Variants in LRP1B observed in about 807,000 individuals in gnomAD.
LRP1B encodes LDL receptor related protein 1B, also known as low-density lipoprotein receptor-related protein 1B.
Under a neutral mutation model 556.6 loss-of-function variants are expected in LRP1B, and 217 were observed. The observed-to-expected ratio is 0.39, with a 90% CI of 0.35 to 0.44. The LOEUF (loss-of-function observed/expected upper bound fraction) is 0.44, where lower values mean the gene tolerates loss of function less well. LRP1B is among the 20% of genes least tolerant of loss of function. The pLI is 1.00. For missense variants in LRP1B, 5,053 were observed against 5,620.8 expected, an observed-to-expected ratio of 0.90 and a Z score of 3.23; for synonymous variants, 2,047 against 1,865.8, an observed-to-expected ratio of 1.10 and a Z score of -2.50.
At position 141,721,420 on chromosome 2, in the gene LRP1B, A is replaced by G. The variant is rs1378315122; in HGVS notation, c.205+88859T>C. ...CGTACTATCGACCTCTTACCTGTCAAGCAGATTGTAAAAAGCCCCTGGAAG... is the reference window on the plus strand; with the variant it reads ...CGTACTATCGACCTCTTACCTGTCAGGCAGATTGTAAAAAGCCCCTGGAAG... On this transcript the variant is annotated intron_variant, in intron 2 of 90. Transcript: ENST00000389484. Among the ~76,000 whole-genome samples, 4 of 152,170 alleles carry G rather than the reference A, an allele frequency of 2.6e-5. No homozygotes were observed. The East Asian group carries it at 7.7e-4, about 29-fold the overall frequency.
chr2:140,319,607 A>G (rs761084866), intron 82 of LRP1B, among the ~76,000 whole-genome samples: 6 of 152,136 alleles, frequency 3.9e-5, no homozygotes, highest in Non-Finnish European at 5.9e-5. Flanking sequence ...AACAACACAC[A>G]CTGCGGCCTT....
intron 49 of LRP1B, among the ~76,000 whole-genome samples, chr2:140,521,922 A>C (rs1372807491): frequency 6.6e-6 from 1 of 152,060 alleles, no homozygotes; most frequent in African/African-American, 2.4e-5. Context: ...AAAAAAATAA[A>C]GAAGAGCACC....
At chr2:141,541,907 C>T (rs1180070462) in intron 2 of LRP1B, among the ~76,000 whole-genome samples, 3 of 151,920 alleles carry the variant, frequency 2.0e-5, no homozygotes, top group African/African-American at 7.2e-5. Context: ...ATATATATTA[C>T]ATAATATCTG....
chr2:140,976,486 C>G (rs536685049), intron 18 of LRP1B, among the ~76,000 whole-genome samples: 2 of 140,304 alleles, frequency 1.4e-5, no homozygotes, highest in Non-Finnish European at 3.1e-5. Context: ...CTCCATTGAA[C>G]TATCTTTTTT....
intron 2 of LRP1B, among the ~76,000 whole-genome samples, chr2:141,786,875 C>T (rs904857215): frequency 2.6e-5 from 4 of 151,864 alleles, no homozygotes; most frequent in Non-Finnish European, 5.9e-5. Flanking sequence ...TGCCAAATGC[C>T]TTCGCTGCAT....
intron 35 of LRP1B, among the ~76,000 whole-genome samples, chr2:140,719,183 G>A (rs1397334154): frequency 2.0e-5 from 3 of 152,062 alleles, no homozygotes; most frequent in Admixed American, 1.3e-4. Flanking sequence ...TAAGCATTTA[G>A]TGAGTAATGA....
At chr2:142,055,222 T>C (rs937095374) in intron 1 of LRP1B, among the ~76,000 whole-genome samples, 1 of 151,834 alleles carries the variant, frequency 6.6e-6, no homozygotes, top group Non-Finnish European at 1.5e-5. Flanking sequence ...AAAAAAGGAA[T>C]AGAGTGTGGA....
rs143016140 is a variant in LRP1B at position 140,368,255 on chromosome 2, G to T, written c.11008+2455C>A. Among the ~76,000 whole-genome samples the T allele has an allele frequency of 4.3e-3, 651 of 151,844 alleles. 9 individuals are homozygous for T. The East Asian group carries it at 0.043, about 10-fold the overall frequency. ...CTCAACAGAAAATATTAGGAAAATA[G>T]AAAAGTATATATGAATTAACAATAA... On this transcript the variant is annotated intron_variant, in intron 71 of 90. Coordinates refer to ENST00000389484, the MANE Select transcript of LRP1B (RefSeq NM_018557.3).
chr2:141,988,185 G>C (rs1157092891), intron 1 of LRP1B, among the ~76,000 whole-genome samples: 1 of 151,796 alleles, frequency 6.6e-6, no homozygotes, highest in Non-Finnish European at 1.5e-5. Flanking sequence ...AAACCCTGCT[G>C]TTACAAATGA....
At chr2:140,478,784 G>A (rs1323113668) in intron 59 of LRP1B, among the ~76,000 whole-genome samples, 1 of 151,864 alleles carries the variant, frequency 6.6e-6, no homozygotes, top group African/African-American at 2.4e-5. Context: ...CTTCTCACAG[G>A]GTCACTGTGA....
At chr2:140,252,247 T>A (rs1681470759) in intron 86 of LRP1B, among the ~76,000 whole-genome samples, 1 of 151,782 alleles carries the variant, frequency 6.6e-6, no homozygotes, top group African/African-American at 2.4e-5. Context: ...TAGATGAAAT[T>A]ATTTCATGTG....
rs766488176 is a variant in LRP1B at position 140,487,566 on chromosome 2, AATCATACTGGTAT to A, written c.9243+38_9243+50del. On this transcript the variant is annotated intron_variant, in intron 58 of 90. Coordinates refer to ENST00000389484, the MANE Select transcript of LRP1B (RefSeq NM_018557.3). ...TAAAATAACATTTTCTATACAATTC[AATCATACTGGTAT>A]AATATTCAACAATCCCATCATTGTA... is the stretch of plus-strand genomic sequence containing the variant. The A allele has an allele frequency of 2.0e-6, 3 of 1,515,774 alleles. No individual in the cohort carries two copies. The East Asian group carries it at 6.9e-5, about 35-fold the overall frequency. 93.9% of individuals were successfully genotyped at this position (1,515,774 alleles called of 1,614,324 possible).
intron 2 of LRP1B, among the ~76,000 whole-genome samples, chr2:141,595,017 TTAAG>T (rs1205445173): frequency 6.6e-6 from 1 of 152,116 alleles, no homozygotes; most frequent in Non-Finnish European, 1.5e-5. Flanking sequence ...CCTTTTTATA[TTAAG>T]TATTTTAAAA....
At chr2:141,008,616 G>C (rs2105378098) in intron 14 of LRP1B, among the ~76,000 whole-genome samples, 1 of 151,894 alleles carries the variant, frequency 6.6e-6, no homozygotes, top group Admixed American at 6.6e-5. Flanking sequence ...ATGAAGAATA[G>C]CTTTCATTAT....
chr2:140,519,634 T>C (rs1690071140), intron 49 of LRP1B, among the ~76,000 whole-genome samples: 1 of 151,884 alleles, frequency 6.6e-6, no homozygotes, highest in Non-Finnish European at 1.5e-5. Flanking sequence ...ACTAAAGAGA[T>C]TCTGCACAGC....
At chr2:141,682,921 G>A (rs552072255) in intron 2 of LRP1B, among the ~76,000 whole-genome samples, 12 of 152,238 alleles carry the variant, frequency 7.9e-5, no homozygotes, top group Non-Finnish European at 1.5e-4. Context: ...TAGATTCAGT[G>A]TTTGGTGCAT....
chr2:141,547,118 C>T (rs932509059), intron 2 of LRP1B, among the ~76,000 whole-genome samples: 3 of 152,112 alleles, frequency 2.0e-5, no homozygotes, highest in Admixed American at 6.6e-5. Context: ...GTAAACCAAA[C>T]GCATCTAAAA....
At chr2:142,014,843 C>G (rs1574595074) in intron 1 of LRP1B, among the ~76,000 whole-genome samples, 1 of 152,088 alleles carries the variant, frequency 6.6e-6, no homozygotes, top group East Asian at 1.9e-4. Context: ...TCCCCAAAAC[C>G]TATTCTCAGA....
In LRP1B at chr2:140,769,233, A is replaced by T. The variant is rs140355354; in HGVS notation, c.5738T>A (p.Val1913Glu). Residue 1913 changes from valine (V) to glutamate (E), a missense_variant, in exon 35 of 91, where the codon GTG becomes GAG. Coordinates refer to ENST00000389484, the MANE Select transcript of LRP1B (RefSeq NM_018557.3). ...TTTACCTGCATGGAAATCTATTCCC[A>T]CGGCAAATGAAGTTCCTGATATAGG... ...LMPISGTSFA[V>E]GIDFHAENDT... 1 of 1,611,968 alleles carries T rather than the reference A, an allele frequency of 6.2e-7. No homozygotes were observed. The highest frequency in any genetic ancestry group is 1.1e-5 in the South Asian group (1 of 91,020).
Sources: gnomAD v4.1 joint callset for allele counts (sites outside exome capture counted in the v4.1 genomes callset) on GRCh38, gnomAD v4.1.1 for gene constraint, MANE v1.5 for transcripts, NCBI Gene and HGNC (gene_info 2026-07-23, HGNC 2026-07-21) for gene names.